Variants in OR1J2 observed in about 807,000 individuals in gnomAD.
OR1J2 encodes the protein olfactory receptor family 1 subfamily J member 2, also known as olfactory receptor 1J2.
For missense variants in OR1J2, 304 were observed against 246.1 expected (o/e 1.24, Z -1.57); for synonymous variants, 142 against 99.7 (o/e 1.42, Z -2.52).
chr9:122,485,144 G>T, the OR1J2 span, among the ~76,000 whole-genome samples: 2 of 152,120 alleles, frequency 1.3e-5, no homozygotes, highest in Non-Finnish European at 2.9e-5. Flanking sequence ...GACAGGAAGA[G>T]TGTAAACATG....
the OR1J2 span, among the ~76,000 whole-genome samples, chr9:122,550,740 G>T: frequency 1.3e-5 from 2 of 151,770 alleles, no homozygotes; most frequent in Admixed American, 1.3e-4. Flanking sequence ...GGCCTAGAAG[G>T]AATATACCTA....
the OR1J2 span, chr9:122,527,373 TCTC>T: frequency 6.3e-6 from 5 of 799,070 alleles, no homozygotes; most frequent in Admixed American, 1.4e-4. Flanking sequence ...GACTCCCAAA[TCTC>T]CCTTTAAGTT....
At chr9:122,460,887 G>A in the OR1J2 span, among the ~76,000 whole-genome samples, 14 of 152,090 alleles carry the variant, frequency 9.2e-5, no homozygotes, top group East Asian at 2.3e-3. Context: ...TGTAAAAGAG[G>A]TTGAGTTCTT....
chr9:122,504,838 G>A, the OR1J2 span, among the ~76,000 whole-genome samples: 38 of 152,218 alleles, frequency 2.5e-4, no homozygotes, highest in Admixed American at 1.6e-3. Context: ...GTATCTGACT[G>A]TGTCTATTCA....
the OR1J2 span, among the ~76,000 whole-genome samples, chr9:122,501,360 G>T: frequency 6.6e-6 from 1 of 152,076 alleles, no homozygotes; most frequent in Non-Finnish European, 1.5e-5. Context: ...TGGTCTTTGT[G>T]CTGATTGCTC....
the OR1J2 span, among the ~76,000 whole-genome samples, chr9:122,468,503 C>T: frequency 1.3e-5 from 2 of 152,158 alleles, no homozygotes; most frequent in South Asian, 2.1e-4. Context: ...GATAAATTCT[C>T]CAGTTCTAGG....
the OR1J2 span, among the ~76,000 whole-genome samples, chr9:122,474,531 A>G: frequency 3.3e-5 from 5 of 152,232 alleles, no homozygotes; most frequent in Non-Finnish European, 7.3e-5. Context: ...AATCATTATC[A>G]AAAGAGGGAA....
chr9:122,481,091 G>T, the OR1J2 span, among the ~76,000 whole-genome samples: 1 of 152,066 alleles, frequency 6.6e-6, no homozygotes, highest in Non-Finnish European at 1.5e-5. Flanking sequence ...ACTGCGCCCG[G>T]CCCCATCCAC....
chr9:122,556,761 C>G, the OR1J2 span, among the ~76,000 whole-genome samples: 1 of 152,126 alleles, frequency 6.6e-6, no homozygotes, highest in African/African-American at 2.4e-5. Context: ...TCTTTTGCCT[C>G]TCTGCATTTT....
the OR1J2 span, among the ~76,000 whole-genome samples, chr9:122,571,222 C>A: frequency 6.6e-6 from 1 of 152,076 alleles, no homozygotes; most frequent in African/African-American, 2.4e-5. Flanking sequence ...AAAGCTTGAA[C>A]ACTAATGAGG....
the OR1J2 span, among the ~76,000 whole-genome samples, chr9:122,459,136 A>G: frequency 6.6e-6 from 1 of 152,158 alleles, no homozygotes; most frequent in Non-Finnish European, 1.5e-5. Context: ...AAATGACAGA[A>G]TTTCATTCTT....
chr9:122,525,063 C>A, the OR1J2 span, among the ~76,000 whole-genome samples: 1,432 of 152,242 alleles, frequency 9.4e-3, 21 homozygotes, highest in African/African-American at 0.033. Context: ...GAGATGAGGG[C>A]AGGAGAACTC....
the OR1J2 span, chr9:122,553,163 C>T: frequency 6.3e-7 from 1 of 1,581,444 alleles, no homozygotes. Context: ...TAAATAAATA[C>T]TGACACATGG....
At chr9:122,488,443 C>T in the OR1J2 span, among the ~76,000 whole-genome samples, 6 of 152,328 alleles carry the variant, frequency 3.9e-5, no homozygotes, top group East Asian at 1.2e-3. Flanking sequence ...CTGGCCTATA[C>T]AGACTTCCTC....
the OR1J2 span, among the ~76,000 whole-genome samples, chr9:122,535,051 A>G: frequency 1.3e-5 from 2 of 152,012 alleles, no homozygotes; most frequent in Non-Finnish European, 2.9e-5. Context: ...AGGGAGAAGA[A>G]GGGGGAATGG....
At chr9:122,555,088 A>G in the OR1J2 span, among the ~76,000 whole-genome samples, 4 of 152,192 alleles carry the variant, frequency 2.6e-5, no homozygotes, top group African/African-American at 4.8e-5. Context: ...GTTTTGAAAC[A>G]TGTAGATATT....
At chr9:122,506,208 A>G (rs58536751), upstream of OR1J2, among the ~76,000 whole-genome samples, 8,312 of 152,152 alleles carry the variant, frequency 0.055, 739 homozygotes, top group African/African-American at 0.19. Flanking sequence ...TGTGATTAAG[A>G]CTAGAAAAAC....
chr9:122,472,422 A>C, the OR1J2 span, among the ~76,000 whole-genome samples: 3 of 152,238 alleles, frequency 2.0e-5, no homozygotes, highest in African/African-American at 7.2e-5. Context: ...AAATGCACCA[A>C]TAGTACTCTT....
chr9:122,502,234 G>A, the OR1J2 span, among the ~76,000 whole-genome samples: 27 of 152,248 alleles, frequency 1.8e-4, no homozygotes, highest in Admixed American at 2.6e-4. Context: ...TGACATTCAC[G>A]TCCTTCATTG....
Sources: gnomAD v4.1 joint callset for allele counts (sites outside exome capture counted in the v4.1 genomes callset) on GRCh38, gnomAD v4.1.1 for gene constraint, MANE v1.5 for transcripts, NCBI Gene and HGNC (gene_info 2026-07-23, HGNC 2026-07-21) for gene names.